SCYL3: variants seen among roughly 807,000 people sequenced by gnomAD.
SCYL3 encodes the protein protein-associating with the carboxyl-terminal domain of ezrin.
SCYL3 carries 35 observed loss-of-function variants against 73.8 expected under a neutral mutation model. The observed-to-expected ratio is 0.47, with a 90% CI of 0.36 to 0.63. The LOEUF is 0.63. Ranked by LOEUF, SCYL3 falls within the 20% of genes least tolerant of loss-of-function variation. The pLI, the probability that SCYL3 is intolerant of heterozygous loss-of-function variation, is 0.00. For synonymous variants in SCYL3, 277 were observed against 295.2 expected (o/e 0.94, Z 0.63); for missense variants, 712 against 798.9 (o/e 0.89, Z 1.31).
chr1:169,878,461 T>G (rs746166738), intron 3 of SCYL3, among the ~76,000 whole-genome samples, 173 bp downstream of exon 3: 4 of 152,264 alleles, frequency 2.6e-5, no homozygotes, highest in Non-Finnish European at 5.9e-5. Flanking sequence ...AACCTCTATC[T>G]ATAGCACCTC....
chr1:169,878,971 A>C, intron 2 of SCYL3, 152 bp from the exon 3 acceptor site: 1 of 628,934 alleles, frequency 1.6e-6, no homozygotes, highest in Non-Finnish European at 2.7e-6. Context: ...ATTTCACATA[A>C]GGCAAAGATC....
At chr1:169,881,042 G>A (rs1041645830) in intron 2 of SCYL3, among the ~76,000 whole-genome samples, 5 of 152,184 alleles carry the variant, frequency 3.3e-5, no homozygotes, top group Admixed American at 2.0e-4. Context: ...GATTACAGGC[G>A]TGAGCCACCG....
rs1658637400 is a variant in SCYL3 at position 169,853,115 on chromosome 1, ATTT to A, written c.*595_*597del. On this transcript the variant is annotated 3_prime_UTR_variant, in exon 13 of 13. Transcript: ENST00000367771. ...CTAGTGAAAATAATCTTTATTTGAC[ATTT>A]AGAGAACAGGATTGTGGGGAATATT... is the stretch of plus-strand genomic sequence containing the variant. The A allele has an allele frequency of 2.3e-6, 2 of 869,150 alleles. No homozygotes were observed. The highest frequency in any genetic ancestry group is 5.1e-5 in the Admixed American group (2 of 39,506). 53.8% of individuals were successfully genotyped at this position (869,150 alleles called of 1,614,324 possible).
At chr1:169,873,597 A>G (rs1479929965) in intron 5 of SCYL3, 99 bp downstream of exon 5, 5 of 726,132 alleles carry the variant, frequency 6.9e-6, no homozygotes, top group Non-Finnish European at 2.3e-6. Context: ...AGGCATCTAT[A>G]ACTCAGTAAA....
chr1:169,869,144 C>T, intron 6 of SCYL3, 105 bp from the exon 7 acceptor site: 1 of 798,660 alleles, frequency 1.3e-6, no homozygotes. Flanking sequence ...AAAGCCCAAA[C>T]AAACAAAGCC....
At chr1:169,879,651 GC>G (rs541070617) in intron 2 of SCYL3, among the ~76,000 whole-genome samples, 18 of 152,222 alleles carry the variant, frequency 1.2e-4, no homozygotes, top group African/African-American at 4.3e-4. Context: ...TGTCCAGGAT[GC>G]AACCCCAAAC....
intron 10 of SCYL3, among the ~76,000 whole-genome samples, chr1:169,862,134 T>G (rs1659692508): frequency 6.6e-6 from 1 of 152,236 alleles, no homozygotes; most frequent in Admixed American, 6.5e-5. Context: ...CCATTATAAT[T>G]TGTGATAATT....
chr1:169,852,692 C>A lies in SCYL3; in HGVS notation c.*1021G>T. The A allele has an allele frequency of 8.0e-7, 1 of 1,249,470 alleles. No homozygotes were observed. The highest frequency in any genetic ancestry group is 1.1e-6 in the Non-Finnish European group (1 of 878,516). The allele number at this position is 1,249,470 out of a possible 1,614,324, so 77.4% of individuals were successfully genotyped here. A position where few individuals can be genotyped will look rare whatever the true frequency, so the allele number is the denominator to read the frequency against. On this transcript the variant is annotated 3_prime_UTR_variant, in exon 13 of 13. Transcript: ENST00000367771. ...TCCTCCTACCCTTGTGATCCAATGA[C>A]TAGAATAAAATTTGCATGTAAGCTT... is the stretch of plus-strand genomic sequence containing the variant.
At chr1:169,870,173 A>T in intron 6 of SCYL3, 82 bp downstream of exon 6, 1 of 1,016,912 alleles carries the variant, frequency 9.8e-7, no homozygotes, top group South Asian at 1.6e-5. Context: ...CAAAGACTGT[A>T]GTCCTTTGAA....
Position 169,850,842 on chromosome 1 carries a change from C to T in SCYL3, c.*2871G>A, listed in dbSNP as rs939673896. On this transcript the variant is annotated 3_prime_UTR_variant, in exon 13 of 13. Transcript: ENST00000367771. ...CTGCCTGTAGTTTGGGGTGTAATAG[C>T]ACTGATTATCCAGGCAGTGAGATGA... The T allele has an allele frequency of 6.5e-6, 1 of 153,624 alleles. No homozygotes were observed. The highest frequency in any genetic ancestry group is 1.4e-5 in the Non-Finnish European group (1 of 68,990). The allele number at this position is 153,624 out of a possible 1,614,324, so 9.5% of individuals were successfully genotyped here.
At chr1:169,876,462 T>C (rs1275488322) in intron 3 of SCYL3, among the ~76,000 whole-genome samples, 1 of 152,240 alleles carries the variant, frequency 6.6e-6, no homozygotes, top group Non-Finnish European at 1.5e-5. Context: ...GTATAATCTA[T>C]ATTATTTGCT....
Position 169,854,683 on chromosome 1 carries a change from C to T in SCYL3, c.1594G>A (p.Gly532Ser), listed in dbSNP as rs950599617. The T allele has an allele frequency of 6.2e-7, 1 of 1,614,006 alleles. No individual in the cohort carries two copies. Among genetic ancestry groups the T allele is most frequent in the African/African-American group, 1.3e-5 (1 of 75,006 alleles). ...ACAGGTTTTGTAGCAGTGATTCCACCTCCTGGGTTTACTTTAGTATCTAAG... is the reference window on the plus strand; with the variant it reads ...ACAGGTTTTGTAGCAGTGATTCCACTTCCTGGGTTTACTTTAGTATCTAAG... ...SSLDTKVNPGGGITATKPVTS... is the reference protein window; with the variant it reads ...SSLDTKVNPGSGITATKPVTS... Residue 532 changes from glycine (G) to serine (S), a missense_variant, in exon 12 of 13, where the codon GGT becomes AGT. By Grantham distance (56) the Gly-to-Ser change is moderately conservative. This residue lies in a region of SCYL3 where 370 missense variants were observed against 350.8 expected (regional missense o/e 1.05). Transcript: ENST00000367771.
In SCYL3 at chr1:169,853,029, T is replaced by G. The variant is rs1372955996; in HGVS notation, c.*684A>C. 7.6e-6 allele frequency: 12 copies of G among 1,581,860 alleles called. No individual in the cohort carries two copies. The highest frequency in any genetic ancestry group is 8.7e-6 in the Non-Finnish European group (10 of 1,151,508). The stretch of plus-strand genomic sequence containing the variant: ...GAACTGGGTTTGATGCTTTGTCAAC[T>G]GAAAATACTTATGTCTGTACATTTT... On this transcript the variant is annotated 3_prime_UTR_variant, in exon 13 of 13. Coordinates refer to ENST00000367771, the MANE Select transcript of SCYL3 (RefSeq NM_020423.7).
At position 169,851,619 on chromosome 1, in the gene SCYL3, A is replaced by G; in HGVS notation, c.*2094T>C. 1.5e-6 allele frequency: 1 copy of G among 657,430 alleles called. No individual in the cohort carries two copies. The allele number at this position is 657,430 out of a possible 1,614,324, so 40.7% of individuals were successfully genotyped here. ...TTTTTCCTGCAAAGACAACTCTATAACTAACTATTTTGTAAGGAAGAACAC... is the reference window on the plus strand; with the variant it reads ...TTTTTCCTGCAAAGACAACTCTATAGCTAACTATTTTGTAAGGAAGAACAC... On this transcript the variant is annotated 3_prime_UTR_variant, in exon 13 of 13. Coordinates refer to ENST00000367771, the MANE Select transcript of SCYL3 (RefSeq NM_020423.7).
chr1:169,854,508 T>C lies in SCYL3; in HGVS notation c.1769A>G (p.Glu590Gly), dbSNP rs777930005. 1.9e-6 allele frequency: 3 copies of C among 1,614,070 alleles called. No individual in the cohort carries two copies. The highest frequency in any genetic ancestry group is 2.2e-5 in the South Asian group (2 of 91,080). ...TTCTGATGGAACCTTAAGGGGCCTT[T>C]CTTGTGATGACACTTTTGGCGGCTC... The part of the protein sequence containing the change: ...QIEPPKVSSQ[E>G]RPLKVPSELG... Residue 590 changes from glutamate (E) to glycine (G), a missense_variant, in exon 12 of 13, where the codon GAA becomes GGA. Glu to Gly is a moderately conservative substitution (Grantham distance 98, BLOSUM62 -2). Around this residue, in one of 2 missense-constraint regions of SCYL3, gnomAD observed 370 missense variants for 350.8 expected, o/e 1.05. Coordinates refer to ENST00000367771, the MANE Select transcript of SCYL3 (RefSeq NM_020423.7).
intron 1 of SCYL3, among the ~76,000 whole-genome samples, chr1:169,892,216 AAAG>A (rs1284955076): frequency 6.6e-6 from 1 of 152,222 alleles, no homozygotes; most frequent in Non-Finnish European, 1.5e-5. Flanking sequence ...TAATATATCT[AAAG>A]AAGCACAAAT....
At chr1:169,871,046 A>T (rs549294015) in intron 5 of SCYL3, among the ~76,000 whole-genome samples, 2 of 152,216 alleles carry the variant, frequency 1.3e-5, no homozygotes, top group East Asian at 3.9e-4. Context: ...CACTCTTAAT[A>T]ATCATTCTTC....
chr1:169,873,671 T>C lies in SCYL3; in HGVS notation c.522+25A>G, dbSNP rs577485534. The C allele has an allele frequency of 4.6e-6, 7 of 1,523,632 alleles. No individual in the cohort carries two copies. In the African/African-American group the frequency reaches 6.9e-5, roughly 15 times the overall value. The allele number at this position is 1,523,632 out of a possible 1,614,324, so 94.4% of individuals were successfully genotyped here. A position where few individuals can be genotyped will look rare whatever the true frequency, so the allele number is the denominator to read the frequency against. Reference sequence around the variant, plus strand: ...ACTCAATTACACAAAGGCACCTTCATTATATGTGAAGTATATCATCTTACC... The same window carrying C: ...ACTCAATTACACAAAGGCACCTTCACTATATGTGAAGTATATCATCTTACC... On this transcript the variant is annotated intron_variant, in intron 5 of 12. Coordinates refer to ENST00000367771, the MANE Select transcript of SCYL3 (RefSeq NM_020423.7).
In SCYL3 at chr1:169,853,018, G is replaced by A. The variant is rs1477609754; in HGVS notation, c.*695C>T. 6.2e-7 allele frequency: 1 copy of A among 1,604,758 alleles called. No individual in the cohort carries two copies. Among genetic ancestry groups the A allele is most frequent in the South Asian group, 1.1e-5 (1 of 90,830 alleles). ...ATCACTAGGCAGAACTGGGTTTGAT[G>A]CTTTGTCAACTGAAAATACTTATGT... is the stretch of plus-strand genomic sequence containing the variant. On this transcript the variant is annotated 3_prime_UTR_variant, in exon 13 of 13. Transcript: ENST00000367771.
Sources: allele counts gnomAD v4.1 joint callset (sites outside exome capture counted in the v4.1 genomes callset), GRCh38; gene constraint gnomAD v4.1.1; regional missense constraint gnomAD v4.1.1; transcripts MANE v1.5; gene names NCBI Gene and HGNC (gene_info 2026-07-23, HGNC 2026-07-21).